The following PNLIPRP1 variants were observed in gnomAD, a reference collection of about 807,000 sequenced individuals.
PNLIPRP1 encodes the protein inactive pancreatic lipase-related protein 1.
PNLIPRP1 carries 57 observed loss-of-function variants against 54.6 expected under a neutral mutation model. The ratio of observed to expected loss-of-function variants is 1.04; its 90% CI spans 0.84 to 1.30. PNLIPRP1 has a LOEUF of 1.30. Among genes scored for constraint, PNLIPRP1 ranks in the 50% most tolerant of loss-of-function variants. The pLI, the probability that PNLIPRP1 is intolerant of heterozygous loss-of-function variation, is 0.00. For synonymous variants in PNLIPRP1, 232 were observed against 208.8 expected, an observed-to-expected ratio of 1.11 and a Z score of -0.96; for missense variants, 567 against 568.5, an observed-to-expected ratio of 1.00 and a Z score of 0.03.
At chr10:116,594,283 T>C (rs782762438) in intron 4 of PNLIPRP1, 1 of 501,314 alleles carries the variant, frequency 2.0e-6, no homozygotes, top group Non-Finnish European at 4.0e-6. Context: ...ATCGTGACTA[T>C]AAAAATAGTG....
intron 8 of PNLIPRP1, among the ~76,000 whole-genome samples, chr10:116,598,581 T>C (rs1847776970): frequency 6.6e-6 from 1 of 152,232 alleles, no homozygotes; most frequent in Admixed American, 6.5e-5. Flanking sequence ...TCCCTTTCAG[T>C]AGCTAGAATG....
At chr10:116,607,281 T>G (rs1228785198) in intron 12 of PNLIPRP1, among the ~76,000 whole-genome samples, 1 of 151,992 alleles carries the variant, frequency 6.6e-6, no homozygotes, top group African/African-American at 2.4e-5. Flanking sequence ...CTTTATTCAG[T>G]ACCTATTGTA....
intron 12 of PNLIPRP1, 107 bp downstream of exon 12, chr10:116,605,660 A>T: frequency 1.3e-6 from 1 of 762,326 alleles, no homozygotes; most frequent in Non-Finnish European, 2.0e-6. Context: ...AAGCCAAGAA[A>T]ATTTACCCAT....
chr10:116,597,753 G>A, intron 6 of PNLIPRP1, 75 bp from the exon 7 acceptor site: 2 of 1,576,848 alleles, frequency 1.3e-6, no homozygotes, highest in Non-Finnish European at 1.7e-6. Context: ...GCATAGCCCG[G>A]GCAGCTGTAC....
chr10:116,604,681 CTTTTT>C (rs1234478269), intron 11 of PNLIPRP1, among the ~76,000 whole-genome samples: 2 of 94,126 alleles, frequency 2.1e-5, no homozygotes, highest in African/African-American at 4.0e-5. Flanking sequence ...CTTTCTCTCT[CTTTTT>C]TTTTTTTTTT....
chr10:116,606,808 G>C (rs940427429), intron 12 of PNLIPRP1, among the ~76,000 whole-genome samples: 2 of 152,268 alleles, frequency 1.3e-5, no homozygotes, highest in South Asian at 4.2e-4. Context: ...CCCATCAGCT[G>C]TCACCTGCAT....
chr10:116,600,259 C>A, intron 9 of PNLIPRP1, 94 bp downstream of exon 9: 1 of 805,024 alleles, frequency 1.2e-6, no homozygotes, highest in Non-Finnish European at 2.2e-6. Flanking sequence ...TCTCACTACA[C>A]GTTTTGCATT....
Position 116,594,801 on chromosome 10 carries a change from AC to A in PNLIPRP1, c.403del (p.Gln135ArgfsTer21). 6.2e-7 allele frequency: 1 copy of A among 1,614,108 alleles called. No individual in the cohort carries two copies. The highest frequency in any genetic ancestry group is 8.5e-7 in the Non-Finnish European group (1 of 1,180,030). On this transcript the variant is annotated frameshift_variant, in exon 5 of 13. Transcript: ENST00000358834. LOFTEE classifies it high-confidence loss of function. Reference sequence around the variant, plus strand: ...AGAAGGGCTCCCAAGCCACCTACACACAGGCTGCCAACAACGTGCGAGTGGT... The same window carrying A: ...AGAAGGGCTCCCAAGCCACCTACACAAGGCTGCCAACAACGTGCGAGTGGT... ...WKKGSQATYT[Q>X]AANNVRVVGA...
chr10:116,593,577 G>T (rs1847679362), intron 4 of PNLIPRP1, among the ~76,000 whole-genome samples: 1 of 152,152 alleles, frequency 6.6e-6, no homozygotes, highest in African/African-American at 2.4e-5. Flanking sequence ...CACCTTTCCT[G>T]TCCTATCATT....
Position 116,592,677 on chromosome 10 carries a change from T to C in PNLIPRP1, c.330+136T>C, listed in dbSNP as rs782310335. The C allele has an allele frequency of 7.5e-6, 8 of 1,063,220 alleles. No individual in the cohort carries two copies. In the Admixed American group the frequency reaches 7.8e-5, roughly 10 times the overall value. 65.9% of individuals were successfully genotyped at this position (1,063,220 alleles called of 1,614,324 possible). Reference sequence around the variant, plus strand: ...ATTAAAATGCTTCTCTTCACAAAAATTAAAATGCCTTTCCATGTTTCCGCA... The same window carrying C: ...ATTAAAATGCTTCTCTTCACAAAAACTAAAATGCCTTTCCATGTTTCCGCA... On this transcript the variant is annotated intron_variant, in intron 4 of 12. Coordinates refer to ENST00000358834, the MANE Select transcript of PNLIPRP1 (RefSeq NM_006229.4).
chr10:116,596,373 G>T, intron 6 of PNLIPRP1, 51 bp downstream of exon 6: 3 of 1,110,218 alleles, frequency 2.7e-6, no homozygotes, highest in Non-Finnish European at 4.1e-6. Context: ...ACCCCAGAAT[G>T]AGGTCTCAAG....
chr10:116,604,000 A>G, intron 10 of PNLIPRP1, 30 bp from the exon 11 acceptor site: 1 of 1,391,888 alleles, frequency 7.2e-7, no homozygotes, highest in Non-Finnish European at 1.0e-6. Flanking sequence ...TTGTGTGTGA[A>G]TAAATTGAAC....
At chr10:116,597,778 G>A in intron 6 of PNLIPRP1, 50 bp from the exon 7 acceptor site, 1 of 1,611,610 alleles carries the variant, frequency 6.2e-7, no homozygotes, top group Non-Finnish European at 8.5e-7. Flanking sequence ...TGGTGCTGCT[G>A]ACATCTACAG....
chr10:116,597,394 G>A (rs1847754804), intron 6 of PNLIPRP1, among the ~76,000 whole-genome samples: 1 of 152,170 alleles, frequency 6.6e-6, no homozygotes, highest in South Asian at 2.1e-4. Context: ...TCAAGGTCAT[G>A]CATCTTGCCC....
intron 4 of PNLIPRP1, chr10:116,594,043 C>T (rs945921700): frequency 4.9e-6 from 1 of 205,416 alleles, no homozygotes; most frequent in Admixed American, 5.6e-5. Context: ...CATGTGATCA[C>T]ACATATTAGT....
chr10:116,609,092 G>A lies in PNLIPRP1; in HGVS notation c.1380G>A (p.Thr460=). 1 of 1,613,162 alleles carries A rather than the reference G, an allele frequency of 6.2e-7. No individual in the cohort carries two copies. Among genetic ancestry groups the A allele is most frequent in the Non-Finnish European group, 8.5e-7 (1 of 1,179,422 alleles). ...FCSEDTVRED[T]LLTLTPC ...GCGAAGACACAGTGCGGGAAGACAC[G>A]CTGCTCACCCTCACGCCCTGCTAAG... Residue 460 remains threonine, a synonymous_variant, in exon 13 of 13, where the codon ACG becomes ACA. Coordinates refer to ENST00000358834, the MANE Select transcript of PNLIPRP1 (RefSeq NM_006229.4).
intron 8 of PNLIPRP1, 45 bp from the exon 9 acceptor site, chr10:116,600,002 C>A: frequency 1.6e-6 from 2 of 1,245,050 alleles, no homozygotes; most frequent in Non-Finnish European, 2.4e-6. Flanking sequence ...GAAGCTGTTA[C>A]AGGCCCCCAA....
chr10:116,594,770 A>G lies in PNLIPRP1; in HGVS notation c.371A>G (p.Asp124Gly). ...GAGGAGGTGAACTGCATCTGCGTGG[A>G]CTGGAAGAAGGGCTCCCAAGCCACC... ...EVEEVNCICV[D>G]WKKGSQATYT... Residue 124 changes from aspartate to glycine, a missense_variant, in exon 5 of 13, where the codon GAC becomes GGC. By Grantham distance (94) the Asp-to-Gly change is moderately conservative. Coordinates refer to ENST00000358834, the MANE Select transcript of PNLIPRP1 (RefSeq NM_006229.4). 6.2e-7 allele frequency: 1 copy of G among 1,614,142 alleles called. No homozygotes were observed. The highest frequency in any genetic ancestry group is 2.2e-5 in the East Asian group (1 of 44,864).
intron 11 of PNLIPRP1, among the ~76,000 whole-genome samples, chr10:116,604,673 T>TTC (rs1307968062): frequency 2.7e-5 from 4 of 148,042 alleles, no homozygotes; most frequent in East Asian, 2.0e-4. Flanking sequence ...ATTTCGTCCT[T>TTC]TCTCTCTCTT....
Sources: allele counts gnomAD v4.1 joint callset (sites outside exome capture counted in the v4.1 genomes callset), GRCh38; gene constraint gnomAD v4.1.1; transcripts MANE v1.5; gene names NCBI Gene and HGNC (gene_info 2026-07-23, HGNC 2026-07-21).